RBFOX3: variants seen among roughly 807,000 people sequenced by gnomAD.
RBFOX3 encodes RNA binding protein fox-1 homolog 3.
A neutral mutation model predicts 48.7 loss-of-function variants in RBFOX3; 17 were observed. That is an observed-to-expected ratio of 0.35 (90% CI 0.24 to 0.52). RBFOX3 has a LOEUF of 0.52. Ranked by LOEUF, RBFOX3 falls within the 20% of genes least tolerant of loss-of-function variation. The pLI is 0.94. For missense variants in RBFOX3, 382 were observed against 497.5 expected (o/e 0.77, Z 2.21); for synonymous variants, 212 against 209.5 (o/e 1.01, Z -0.10).
In RBFOX3 at chr17:79,130,851, G is replaced by A. The variant is rs191046734; in HGVS notation, c.-33-15103C>T. Among the ~76,000 whole-genome samples the A allele has an allele frequency of 2.6e-3, 390 of 152,382 alleles. 1 individual carries two copies. Among genetic ancestry groups the A allele is most frequent in the African/African-American group, 8.9e-3 (369 of 41,598 alleles). Reference sequence around the variant, plus strand: ...GCCTCCCTGCCTGGAGGCGGGACCTGGCCCAAGCCTCAAAGCCGAAGCACA... The same window carrying A: ...GCCTCCCTGCCTGGAGGCGGGACCTAGCCCAAGCCTCAAAGCCGAAGCACA... On this transcript the variant is annotated intron_variant, in intron 4 of 14. Coordinates refer to ENST00000693108, the MANE Select transcript of RBFOX3 (RefSeq NM_001350451.2).
Position 79,479,403 on chromosome 17 carries a change from T to A in RBFOX3, c.-175+3051A>T, listed in dbSNP as rs2149466493. ...AAGGTGAATAAAAGACAGGCAGAGA[T>A]TCAAAGCCACACGCAGGCCTCAGAC... is the stretch of plus-strand genomic sequence containing the variant. On this transcript the variant is annotated intron_variant, in intron 2 of 14. Coordinates refer to ENST00000693108, the MANE Select transcript of RBFOX3 (RefSeq NM_001350451.2). This position sits in a 1 kb window ranked among gnomAD's most constrained non-coding sequence, Gnocchi z 5.1. Among the ~76,000 whole-genome samples, 1 of 152,162 alleles carries A rather than the reference T, an allele frequency of 6.6e-6. No individual in the cohort carries two copies. Among genetic ancestry groups the A allele is most frequent in the African/African-American group, 2.4e-5 (1 of 41,520 alleles).
chr17:79,302,290 G>A (rs2075433291), intron 3 of RBFOX3, among the ~76,000 whole-genome samples: 1 of 152,098 alleles, frequency 6.6e-6, no homozygotes, highest in Non-Finnish European at 1.5e-5. Flanking sequence ...AGAAACCAAG[G>A]CTTAGAAGTT....
intron 4 of RBFOX3, chr17:79,234,455 G>A (rs1356016384): frequency 6.6e-6 from 1 of 152,102 alleles, no homozygotes; most frequent in Admixed American, 6.6e-5. Flanking sequence ...AACTTTTCTA[G>A]TTTTGGCTGA....
At chr17:79,498,612 A>G (rs1167952289) in intron 1 of RBFOX3, among the ~76,000 whole-genome samples, 5 of 149,644 alleles carry the variant, frequency 3.3e-5, no homozygotes, top group African/African-American at 1.2e-4. Context: ...CCATCCATGC[A>G]TCTATCCATC....
chr17:79,155,509 G>A (rs541066951), intron 4 of RBFOX3, among the ~76,000 whole-genome samples: 5 of 152,346 alleles, frequency 3.3e-5, no homozygotes, highest in South Asian at 2.1e-4. Flanking sequence ...GCATTCAGCC[G>A]ACTTCATGTA....
At chr17:79,360,011 C>A (rs907504107) in intron 2 of RBFOX3, among the ~76,000 whole-genome samples, 1 of 151,898 alleles carries the variant, frequency 6.6e-6, no homozygotes, top group Non-Finnish European at 1.5e-5. Flanking sequence ...CAGGCGTGAG[C>A]TCCCATGCCC....
At chr17:79,248,901 C>A (rs2063536293) in intron 3 of RBFOX3, among the ~76,000 whole-genome samples, 1 of 152,238 alleles carries the variant, frequency 6.6e-6, no homozygotes, top group Non-Finnish European at 1.5e-5. Context: ...CCTCAGAGCT[C>A]TGCAGCTCAG....
At chr17:79,656,910 A>AAGGAAGGG in the RBFOX3 span, among the ~76,000 whole-genome samples, 5 of 151,358 alleles carry the variant, frequency 3.3e-5, no homozygotes, top group South Asian at 2.1e-4. Flanking sequence ...GGAAGGAAGG[A>AAGGAAGGG]AGGAAGGAAA....
In RBFOX3 at chr17:79,094,543, TGGGAGGGGGAGTGGGAGGAGGGTGG is replaced by T. The variant is rs2146212511; in HGVS notation, c.999-39_999-15del. The T allele has an allele frequency of 6.1e-5, 20 of 327,720 alleles. No individual in the cohort carries two copies. Among genetic ancestry groups the T allele is most frequent in the East Asian group, 2.9e-4 (1 of 3,482 alleles). The allele number at this position is 327,720 out of a possible 1,614,324, so 20.3% of individuals were successfully genotyped here. The stretch of plus-strand genomic sequence containing the variant: ...ACTCTGCCGTAACTAGGGAAGAGCG[TGGGAGGGGGAGTGGGAGGAGGGTGG>T]GGGAGGGGGGCAGGTGAGGGGCAGC... On this transcript the variant is annotated splice_polypyrimidine_tract_variant and intron_variant, in intron 13 of 14. Transcript: ENST00000693108.
At chr17:79,468,575 G>GATGA (rs1160023433) in intron 2 of RBFOX3, among the ~76,000 whole-genome samples, 11 of 150,722 alleles carry the variant, frequency 7.3e-5, no homozygotes, top group African/African-American at 2.5e-4. Context: ...CAGGAGGATG[G>GATGA]ATGAATGAAT....
intron 1 of RBFOX3, among the ~76,000 whole-genome samples, chr17:79,556,798 C>T (rs1488021657): frequency 6.6e-6 from 1 of 152,158 alleles, no homozygotes; most frequent in African/African-American, 2.4e-5. Flanking sequence ...TTTCTGGAGG[C>T]ACAGAGTCCA....
At position 79,559,008 on chromosome 17, in the gene RBFOX3, T is replaced by C. The variant is rs1042292212; in HGVS notation, c.-320+51818A>G. Among the ~76,000 whole-genome samples the C allele has an allele frequency of 8.5e-4, 130 of 152,228 alleles. 4 individuals are homozygous for C. In the South Asian group the frequency reaches 0.019, roughly 22 times the overall value. The stretch of plus-strand genomic sequence containing the variant: ...AGCTGAGGGGCAGCAGCTGGACTCC[T>C]GAGAGTCCCCACCAGGAGACCCTGG... On this transcript the variant is annotated intron_variant, in intron 1 of 14. Transcript: ENST00000693108.
intron 2 of RBFOX3, among the ~76,000 whole-genome samples, chr17:79,373,180 G>C (rs1036112461): frequency 6.6e-6 from 1 of 152,058 alleles, no homozygotes. Context: ...GACTCCCCCA[G>C]CTGTGGCCCA....
intron 4 of RBFOX3, among the ~76,000 whole-genome samples, chr17:79,127,341 C>T (rs554407532): frequency 1.3e-5 from 2 of 152,036 alleles, no homozygotes; most frequent in African/African-American, 4.8e-5. Flanking sequence ...CCAGAGATAA[C>T]GCATCAACAG....
Position 79,479,412 on chromosome 17 carries a change from AC to A in RBFOX3, c.-175+3041del, listed in dbSNP as rs2078449904. Among the ~76,000 whole-genome samples the A allele has an allele frequency of 2.6e-4, 40 of 152,178 alleles. 1 individual carries two copies. The highest frequency in any genetic ancestry group is 2.6e-3 in the Admixed American group (40 of 15,288). Reference sequence around the variant, plus strand: ...AAAAGACAGGCAGAGATTCAAAGCCACACGCAGGCCTCAGACTGCATTGCTC... The same window carrying A: ...AAAAGACAGGCAGAGATTCAAAGCCAACGCAGGCCTCAGACTGCATTGCTC... On this transcript the variant is annotated intron_variant, in intron 2 of 14. Coordinates refer to ENST00000693108, the MANE Select transcript of RBFOX3 (RefSeq NM_001350451.2). This position sits in a 1 kb window ranked among gnomAD's most constrained non-coding sequence, Gnocchi z 5.1.
chr17:79,635,340 G>A, the RBFOX3 span, among the ~76,000 whole-genome samples: 4 of 152,164 alleles, frequency 2.6e-5, no homozygotes, highest in South Asian at 2.1e-4. Context: ...CAACCTGATC[G>A]TCCCATCATC....
Position 79,094,523 on chromosome 17 carries a change from G to A in RBFOX3, c.1005C>T (p.Gly335=), listed in dbSNP as rs1197865456. The change falls in exon 14 of 15, where the codon GGC becomes GGT. Residue 335 remains glycine, a synonymous_variant. Transcript: ENST00000693108. The part of the protein sequence containing the change: ...AAAAAYSDSY[G]RVYAAADPYH... ...ACGGGTCGGCAGCTGCGTAGACTCTGCCGTAACTAGGGAAGAGCGTGGGAG... is the reference window on the plus strand; with the variant it reads ...ACGGGTCGGCAGCTGCGTAGACTCTACCGTAACTAGGGAAGAGCGTGGGAG... The A allele has an allele frequency of 5.4e-6, 7 of 1,291,084 alleles. No homozygotes were observed. The highest frequency in any genetic ancestry group is 5.0e-5 in the African/African-American group (3 of 60,352). The allele number at this position is 1,291,084 out of a possible 1,614,324, so 80.0% of individuals were successfully genotyped here. A position where few individuals can be genotyped will look rare whatever the true frequency, so the allele number is the denominator to read the frequency against.
rs1010573339 is a variant in RBFOX3 at position 79,220,180 on chromosome 17, C to T, written c.-34+15586G>A. Among the ~76,000 whole-genome samples the T allele has an allele frequency of 6.6e-6, 1 of 152,166 alleles. No individual in the cohort carries two copies. The highest frequency in any genetic ancestry group is 2.4e-5 in the African/African-American group (1 of 41,412). Reference sequence around the variant, plus strand: ...ACACGCAGTCCACGCTTGGTACATACCCAAAAATACATCATCATTTCGGAA... The same window carrying T: ...ACACGCAGTCCACGCTTGGTACATATCCAAAAATACATCATCATTTCGGAA... On this transcript the variant is annotated intron_variant, in intron 4 of 14. Transcript: ENST00000693108. This position sits in a 1 kb window ranked among gnomAD's most constrained non-coding sequence, Gnocchi z 5.9.
chr17:79,536,852 G>A (rs1568389606), intron 1 of RBFOX3, among the ~76,000 whole-genome samples: 4 of 152,194 alleles, frequency 2.6e-5, no homozygotes, highest in East Asian at 1.9e-4. Context: ...TTGGGAGGCC[G>A]AGGCGGGCAG....
Sources: allele counts gnomAD v4.1 joint callset (sites outside exome capture counted in the v4.1 genomes callset), GRCh38; gene constraint gnomAD v4.1.1; non-coding constraint Gnocchi (gnomAD v3.1); transcripts MANE v1.5; gene names NCBI Gene and HGNC (gene_info 2026-07-23, HGNC 2026-07-21).